The following PCF11 variants were observed in gnomAD, a reference collection of about 807,000 sequenced individuals.
PCF11 encodes pre-mRNA cleavage complex 2 protein Pcf11.
In PCF11, 19 loss-of-function variants were observed where a neutral mutation model predicts 166.1. That is an observed-to-expected ratio of 0.11 (90% CI 0.08 to 0.17). PCF11 has a LOEUF of 0.17. Ranked by LOEUF, PCF11 falls within the 10% of genes least tolerant of loss-of-function variation. PCF11 has a pLI of 1.00. For synonymous variants in PCF11, 663 were observed against 644.1 expected, an observed-to-expected ratio of 1.03 and a Z score of -0.44; for missense variants, 1,565 against 1,855.5, an observed-to-expected ratio of 0.84 and a Z score of 2.88.
exon 11 of PCF11, chr11:83,177,810 A>G (rs1860937879): frequency 6.9e-7 from 1 of 1,458,120 alleles, no homozygotes; most frequent in African/African-American, 1.4e-5. Context: ...ACAGTTGAAG[A>G]ATTGAAACAG....
chr11:83,186,167 A>C (rs1861284721), exon 16 of PCF11: 1 of 152,160 alleles, frequency 6.6e-6, no homozygotes, highest in Non-Finnish European at 1.5e-5. Context: ...AGATACCCCC[A>C]AATTGATTGT....
At chr11:83,185,447 G>GATATATATATAT (rs34956679) in exon 16 of PCF11, 12 of 149,258 alleles carry the variant, frequency 8.0e-5, no homozygotes, top group African/African-American at 2.5e-4. Flanking sequence ...ATATTTTGCA[G>GATATATATATAT]ATATATATAT....
chr11:83,157,261 G>A, exon 1 of PCF11: 1 of 599,014 alleles, frequency 1.7e-6, no homozygotes, highest in Non-Finnish European at 3.0e-6. Context: ...GCGAGACGGC[G>A]GCGTTTCATA....
intron 2 of PCF11, 61 bp downstream of exon 2, chr11:83,161,513 A>C: frequency 7.6e-7 from 1 of 1,307,892 alleles, no homozygotes; most frequent in Non-Finnish European, 1.0e-6. Flanking sequence ...TGATTAAATA[A>C]ATATTTGCTT....
chr11:83,177,864 A>AT, intron 11 of PCF11, 45 bp downstream of exon 11: 1 of 847,940 alleles, frequency 1.2e-6, no homozygotes, highest in Non-Finnish European at 1.9e-6. Context: ...AGTGACTTTA[A>AT]TAACACTGTT....
intron 9 of PCF11, 58 bp from the exon 10 acceptor site, chr11:83,177,023 ATCTT>A (rs1409555201): frequency 9.6e-6 from 12 of 1,248,024 alleles, no homozygotes; most frequent in Non-Finnish European, 1.3e-5. Context: ...TATAATTTGC[ATCTT>A]TAAGTTCTAC....
Position 83,167,906 on chromosome 11 carries a change from AAGTTAAATC to A in PCF11, c.2092+404_2092+412del, listed in dbSNP as rs1233269532. ...AGCAAGTCTCTGCTAAAGGTAGAAA[AAGTTAAATC>A]AGATTATGCCTATTGAATCACACAG... On this transcript the variant is annotated intron_variant, in intron 7 of 15. Transcript: ENST00000298281. This position sits in a 1 kb window ranked among gnomAD's most constrained non-coding sequence, Gnocchi z 4.2. 1 of 1,294,236 alleles carries A rather than the reference AAGTTAAATC, an allele frequency of 7.7e-7. No homozygotes were observed. The highest frequency in any genetic ancestry group is 5.4e-5 in the East Asian group (1 of 18,468). 80.2% of individuals were successfully genotyped at this position (1,294,236 alleles called of 1,614,324 possible). A position where few individuals can be genotyped will look rare whatever the true frequency, so the allele number is the denominator to read the frequency against.
chr11:83,181,731 A>G (rs1411171358), intron 12 of PCF11, 123 bp from the exon 13 acceptor site: 4 of 510,472 alleles, frequency 7.8e-6, no homozygotes, highest in Non-Finnish European at 1.3e-5. Context: ...ATAATTTTAA[A>G]TAATATTAGA....
At chr11:83,169,483 C>A (rs752203374) in exon 8 of PCF11, 3 of 1,613,574 alleles carry the variant, frequency 1.9e-6, no homozygotes, top group Admixed American at 3.3e-5. Context: ...GTCACTCTTG[C>A]CAAGATTTGA....
intron 15 of PCF11, 71 bp from the exon 16 acceptor site, chr11:83,184,608 C>A (rs1861208140): frequency 1.9e-6 from 2 of 1,047,288 alleles, no homozygotes; most frequent in African/African-American, 1.6e-5. Context: ...AAGGGTCTTA[C>A]AAGACTAAAT....
At position 83,177,054 on chromosome 11, in the gene PCF11, G is replaced by GT. The variant is rs762930619; in HGVS notation, c.3758-23dup. ...AAGTTCTACATTCACTTCAAAAGTG[G>GT]TTTTTTTTCTTTCTTTCTTTTTTTT... On this transcript the variant is annotated intron_variant, in intron 9 of 15. Transcript: ENST00000298281. The GT allele has an allele frequency of 1.5e-3, 2,122 of 1,417,742 alleles. 3 individuals are homozygous for GT. Among genetic ancestry groups the GT allele is most frequent in the Middle Eastern group, 5.3e-3 (28 of 5,256 alleles). 87.8% of individuals were successfully genotyped at this position (1,417,742 alleles called of 1,614,324 possible). A position where few individuals can be genotyped will look rare whatever the true frequency, so the allele number is the denominator to read the frequency against.
intron 4 of PCF11, 100 bp from the exon 5 acceptor site, chr11:83,165,500 A>G: frequency 1.3e-6 from 1 of 779,866 alleles, no homozygotes; most frequent in Non-Finnish European, 2.0e-6. Flanking sequence ...TTGAGTAAAT[A>G]TATTTATTGA....
intron 1 of PCF11, among the ~76,000 whole-genome samples, chr11:83,159,985 G>A (rs889439577): frequency 1.3e-5 from 2 of 152,168 alleles, no homozygotes; most frequent in South Asian, 2.1e-4. Flanking sequence ...ACATGACATG[G>A]TAAGGTAAAG....
At chr11:83,170,038 A>T (rs545305008) in intron 8 of PCF11, 43 bp downstream of exon 8, 2 of 1,479,018 alleles carry the variant, frequency 1.4e-6, no homozygotes, top group African/African-American at 2.8e-5. Flanking sequence ...CAGATAAGTT[A>T]ACCATTTTTT....
chr11:83,164,484 C>A, intron 4 of PCF11, 83 bp downstream of exon 4: 1 of 984,650 alleles, frequency 1.0e-6, no homozygotes, highest in Non-Finnish European at 1.5e-6. Context: ...ATTTTATTAA[C>A]ATGTTACTTT....
chr11:83,164,270 G>C lies in PCF11; in HGVS notation c.571G>C (p.Val191Leu), dbSNP rs1409369127. The C allele has an allele frequency of 3.7e-6, 6 of 1,613,604 alleles. No homozygotes were observed. The African/African-American group carries it at 6.7e-5, about 18-fold the overall frequency. The stretch of plus-strand genomic sequence containing the variant: ...CCCTAGCATCTCCACTCCTCCAATT[G>C]TTCCTGATATACAAAAGAATCTTAC... The change falls in exon 4 of 16, where the codon GTT (valine) becomes CTT (leucine). Residue 191 changes from valine to leucine, a missense_variant. Coordinates refer to ENST00000298281, the Ensembl canonical transcript of PCF11.
exon 8 of PCF11, chr11:83,169,519 A>G: frequency 6.2e-7 from 1 of 1,613,948 alleles, no homozygotes; most frequent in South Asian, 1.1e-5. Flanking sequence ...GCCAGGTCCT[A>G]GATTTGAAAG....
intron 11 of PCF11, 45 bp downstream of exon 11, chr11:83,177,864 A>G (rs988487608): frequency 5.9e-6 from 5 of 847,940 alleles, no homozygotes; most frequent in Non-Finnish European, 9.4e-6. Flanking sequence ...AGTGACTTTA[A>G]TAACACTGTT....
intron 9 of PCF11, among the ~76,000 whole-genome samples, chr11:83,174,241 A>G (rs1860798469): frequency 1.3e-5 from 2 of 152,186 alleles, no homozygotes; most frequent in Non-Finnish European, 2.9e-5. Flanking sequence ...CTCTAATTTG[A>G]AAGTGTAAAC....
Sources: allele counts gnomAD v4.1 joint callset (sites outside exome capture counted in the v4.1 genomes callset), GRCh38; gene constraint gnomAD v4.1.1; non-coding constraint Gnocchi (gnomAD v3.1); transcripts MANE v1.5; gene names NCBI Gene and HGNC (gene_info 2026-07-23, HGNC 2026-07-21).